GAN: variants seen among roughly 807,000 people sequenced by gnomAD.
GAN encodes epididymis secretory sperm binding protein.
Under a neutral mutation model 71.3 loss-of-function variants are expected in GAN, and 48 were observed. The observed-to-expected ratio is 0.67, with a 90% confidence interval of 0.53 to 0.86. The LOEUF (loss-of-function observed/expected upper bound fraction) is 0.86, where lower values mean the gene tolerates loss of function less well. Among genes scored for constraint, GAN ranks in the 40% least tolerant of loss-of-function variants. GAN has a pLI of 0.00. For missense variants in GAN, 928 were observed against 770.1 expected (o/e 1.21, Z -2.43); for synonymous variants, 386 against 276.8 (o/e 1.39, Z -3.92).
rs765337504 is a variant in GAN, at chr16:81,365,071, C to A, written c.1334C>A (p.Thr445Asn). Reference sequence around the variant, plus strand: ...TCTGTAGAGTGTTATGATCCCAGGACCCAGCAGTGGACTGCCATATGTCCA... The same window carrying A: ...TCTGTAGAGTGTTATGATCCCAGGAACCAGCAGTGGACTGCCATATGTCCA... ...FESVECYDPR[T>N]QQWTAICPLK... is the part of the protein sequence containing the mutation. Residue 445 changes from threonine to asparagine, a missense_variant, in exon 8 of 11, where the codon ACC becomes AAC. Coordinates refer to ENST00000648994, the MANE Select transcript of GAN (RefSeq NM_022041.4). The A allele has an allele frequency of 6.2e-7, 1 of 1,613,762 alleles. No homozygotes were observed. The highest frequency in any genetic ancestry group is 8.5e-7 in the Non-Finnish European group (1 of 1,179,708).
Position 81,315,141 on chromosome 16 carries a change from C to A in GAN, c.28C>A (p.Pro10Thr). The A allele has an allele frequency of 6.5e-7, 1 of 1,536,090 alleles. No homozygotes were observed. Among genetic ancestry groups the A allele is most frequent in the Non-Finnish European group, 8.7e-7 (1 of 1,142,904 alleles). MAEGSAVSD[P>T]QHAARLLRAL... ...GGCTGAGGGCAGTGCCGTGTCTGAC[C>A]CTCAGCACGCCGCGCGTCTGCTGCG... Residue 10 changes from proline to threonine, a missense_variant, in exon 1 of 11, where the codon CCT (proline) becomes ACT (threonine). Transcript: ENST00000648994.
rs1225597508 is a variant in GAN, at chr16:81,389,659, C to T, written c.*12063C>T. On this transcript the variant is annotated 3_prime_UTR_variant, in exon 11 of 11. Coordinates refer to ENST00000648994, the MANE Select transcript of GAN (RefSeq NM_022041.4). ...GTGTACATTCTTTTGTTTTCCATCA[C>T]GGGTATAGGTCTTCTGCCATGAAAG... 10 of 152,184 alleles carry T rather than the reference C, an allele frequency of 6.6e-5. No individual in the cohort carries two copies. The highest frequency in any genetic ancestry group is 3.9e-4 in the Admixed American group (6 of 15,276). 9.4% of individuals were successfully genotyped at this position (152,184 alleles called of 1,614,324 possible). A position where few individuals can be genotyped will look rare whatever the true frequency, so the allele number is the denominator to read the frequency against.
chr16:81,319,226 C>A (rs867813021), intron 1 of GAN, among the ~76,000 whole-genome samples: 15 of 73,388 alleles, frequency 2.0e-4, no homozygotes, highest in East Asian at 8.8e-4. Flanking sequence ...ATATATATAT[C>A]TAACAACCTT....
intron 9 of GAN, among the ~76,000 whole-genome samples, chr16:81,369,763 T>C (rs1910976752): frequency 6.6e-6 from 1 of 152,178 alleles, no homozygotes; most frequent in Non-Finnish European, 1.5e-5. Context: ...AGCTAATTTT[T>C]AGTAGAGGCA....
intron 1 of GAN, among the ~76,000 whole-genome samples, chr16:81,320,108 AT>A (rs1237306003): frequency 2.0e-5 from 3 of 152,182 alleles, no homozygotes; most frequent in African/African-American, 7.2e-5. Context: ...TAATCTGGGT[AT>A]GTTCCAAGGC....
intron 1 of GAN, among the ~76,000 whole-genome samples, chr16:81,349,916 G>C (rs886473062): frequency 6.6e-6 from 1 of 152,088 alleles, no homozygotes; most frequent in African/African-American, 2.4e-5. Context: ...TTCATACCAA[G>C]AGCATGTTTC....
intron 1 of GAN, among the ~76,000 whole-genome samples, chr16:81,331,294 A>G (rs1003308720): frequency 2.6e-5 from 4 of 152,228 alleles, no homozygotes; most frequent in Non-Finnish European, 5.9e-5. Context: ...AAGACAAGGA[A>G]GGAAGGACAA....
intron 1 of GAN, among the ~76,000 whole-genome samples, chr16:81,318,861 G>A (rs1909131520): frequency 6.6e-6 from 1 of 152,160 alleles, no homozygotes; most frequent in Non-Finnish European, 1.5e-5. Flanking sequence ...GCAGCCCTAG[G>A]GTGCAGCTGC....
intron 1 of GAN, among the ~76,000 whole-genome samples, chr16:81,348,607 C>T (rs991398083): frequency 1.3e-5 from 2 of 152,180 alleles, no homozygotes; most frequent in Admixed American, 6.5e-5. Context: ...CCTGTCCAGC[C>T]ATGAGCCTAC....
At chr16:81,322,722 A>G (rs1464232153) in intron 1 of GAN, among the ~76,000 whole-genome samples, 2 of 152,236 alleles carry the variant, frequency 1.3e-5, no homozygotes, top group African/African-American at 2.4e-5. Context: ...TTATGGTCCT[A>G]TTAGCATTCA....
intron 5 of GAN, among the ~76,000 whole-genome samples, chr16:81,358,203 G>A (rs1910555173): frequency 6.6e-6 from 1 of 152,304 alleles, no homozygotes; most frequent in Admixed American, 6.5e-5. Flanking sequence ...AAACTTCAGT[G>A]ATGCTTACCA....
intron 9 of GAN, among the ~76,000 whole-genome samples, chr16:81,372,771 T>C (rs115661130): frequency 0.014 from 2,196 of 152,354 alleles, 59 homozygotes; most frequent in African/African-American, 0.05. Context: ...TGTTTAGGCC[T>C]GAAGACGTGA....
At chr16:81,374,576 A>G (rs1597412234) in intron 9 of GAN, among the ~76,000 whole-genome samples, 1 of 152,194 alleles carries the variant, frequency 6.6e-6, no homozygotes, top group African/African-American at 2.4e-5. Flanking sequence ...ATATGGATTC[A>G]TGGATATTTA....
chr16:81,363,725 G>C, intron 6 of GAN, 69 bp from the exon 7 acceptor site: 1 of 1,456,800 alleles, frequency 6.9e-7, no homozygotes, highest in Non-Finnish European at 9.6e-7. Flanking sequence ...TTTTTATTAA[G>C]TGTATGAATA....
intron 9 of GAN, among the ~76,000 whole-genome samples, chr16:81,372,235 A>G (rs1911059403): frequency 6.6e-6 from 1 of 152,246 alleles, no homozygotes; most frequent in African/African-American, 2.4e-5. Context: ...GTTTGAAAAC[A>G]TTATAACTGA....
intron 9 of GAN, chr16:81,372,051 T>G (rs945971608): frequency 6.6e-6 from 1 of 152,268 alleles, no homozygotes; most frequent in African/African-American, 2.4e-5. Context: ...GATTGCCCTC[T>G]TTTCCTCTAT....
intron 1 of GAN, among the ~76,000 whole-genome samples, chr16:81,322,173 C>G (rs1909243622): frequency 6.6e-6 from 1 of 152,222 alleles, no homozygotes; most frequent in Admixed American, 6.5e-5. Context: ...TACAGAAATA[C>G]TGCAAAATAG....
Position 81,365,401 on chromosome 16 carries a change from A to C in GAN, c.1425A>C (p.Gly475=), listed in dbSNP as rs1381839995. The change falls in exon 9 of 11, where the codon GGA becomes GGC. Residue 475 remains glycine (G), a synonymous_variant. Coordinates refer to ENST00000648994, the MANE Select transcript of GAN (RefSeq NM_022041.4). ...GVAMELYVFG[G]VRSREDAQGS... The stretch of plus-strand genomic sequence containing the variant: ...CTATGGAGCTGTATGTGTTTGGGGG[A>C]GTCCGAAGTCGTGAGGACGCCCAGG... 6.2e-7 allele frequency: 1 copy of C among 1,613,254 alleles called. No individual in the cohort carries two copies. The highest frequency in any genetic ancestry group is 8.5e-7 in the Non-Finnish European group (1 of 1,179,750).
chr16:81,385,887 C>T lies in GAN; in HGVS notation c.*8291C>T, dbSNP rs909579281. ...GCCTCGGCCTGCCAAGTAGCTGGGA[C>T]TACAAGTGCACACCAGTATGCCCAG... is the stretch of plus-strand genomic sequence containing the variant. On this transcript the variant is annotated 3_prime_UTR_variant, in exon 11 of 11. Coordinates refer to ENST00000648994, the MANE Select transcript of GAN (RefSeq NM_022041.4). 8 of 150,842 alleles carry T rather than the reference C, an allele frequency of 5.3e-5. No individual in the cohort carries two copies. The highest frequency in any genetic ancestry group is 1.7e-4 in the African/African-American group (7 of 40,968). The allele number at this position is 150,842 out of a possible 1,614,324, so 9.3% of individuals were successfully genotyped here. A position where few individuals can be genotyped will look rare whatever the true frequency, so the allele number is the denominator to read the frequency against.
Sources: gnomAD v4.1 joint callset for allele counts (sites outside exome capture counted in the v4.1 genomes callset) on GRCh38, gnomAD v4.1.1 for gene constraint, MANE v1.5 for transcripts, NCBI Gene and HGNC (gene_info 2026-07-23, HGNC 2026-07-21) for gene names.